The following RCC1 variants were observed in gnomAD, a reference collection of about 807,000 sequenced individuals.
RCC1 encodes the protein regulator of chromosome condensation.
RCC1 carries 11 observed loss-of-function variants against 44.4 expected under a neutral mutation model. The ratio of observed to expected loss-of-function variants is 0.25; its 90% CI spans 0.16 to 0.41. RCC1 has a LOEUF of 0.41. Ranked by LOEUF, RCC1 falls within the 10% of genes least tolerant of loss-of-function variation. The pLI, the probability that RCC1 is intolerant of heterozygous loss-of-function variation, is 1.00. For synonymous variants in RCC1, 213 were observed against 216.5 expected (o/e 0.98, Z 0.14); for missense variants, 386 against 547.1 (o/e 0.71, Z 2.94).
chr1:28,530,133 C>CA (rs1664031340), intron 5 of RCC1, among the ~76,000 whole-genome samples, 194 bp downstream of exon 5: 1 of 140,332 alleles, frequency 7.1e-6, no homozygotes, highest in Non-Finnish European at 1.5e-5. Flanking sequence ...AAACTCCTCT[C>CA]AAAGCACTCA....
At chr1:28,532,853 T>C (rs1664264034) in intron 7 of RCC1, 1 of 396,354 alleles carries the variant, frequency 2.5e-6, no homozygotes, top group Non-Finnish European at 5.1e-6. Context: ...TTCACTCTTG[T>C]TGCCCAGGCT....
intron 3 of RCC1, among the ~76,000 whole-genome samples, chr1:28,512,228 C>T (rs1478812498): frequency 1.5e-5 from 1 of 68,826 alleles, no homozygotes; most frequent in East Asian, 2.2e-4. Flanking sequence ...TGATCCACCA[C>T]GCCCGGCAGA....
chr1:28,531,775 C>T (rs1664190284), intron 5 of RCC1, 28 bp from the exon 6 acceptor site: 2 of 1,500,330 alleles, frequency 1.3e-6, no homozygotes, highest in East Asian at 4.6e-5. Flanking sequence ...ATCCTCTACA[C>T]TCAGGGTCTA....
intron 3 of RCC1, chr1:28,509,884 T>C (rs762553491): frequency 6.6e-6 from 1 of 152,174 alleles, no homozygotes; most frequent in Non-Finnish European, 1.5e-5. Context: ...CTTCCTGCAG[T>C]GTAGTGGAGG....
intron 1 of RCC1, chr1:28,507,558 T>C (rs540401265): frequency 3.9e-6 from 2 of 517,030 alleles, no homozygotes; most frequent in African/African-American, 1.9e-5. Flanking sequence ...AGACAAACCA[T>C]GCAGGAAACA....
chr1:28,531,762 G>A (rs372086135), intron 5 of RCC1, 41 bp from the exon 6 acceptor site: 245 of 1,460,326 alleles, frequency 1.7e-4, no homozygotes, highest in Non-Finnish European at 2.1e-4. Flanking sequence ...CCTCGCTGTC[G>A]TCATCCTCTA....
At chr1:28,515,426 A>G (rs1002526700) in intron 3 of RCC1, among the ~76,000 whole-genome samples, 1 of 151,714 alleles carries the variant, frequency 6.6e-6, no homozygotes, top group African/African-American at 2.4e-5. Context: ...TCTTGAGACA[A>G]ACAACTGGGG....
Position 28,536,787 on chromosome 1 carries a change from G to A in RCC1, c.978G>A (p.Leu326=), listed in dbSNP as rs372047551. 2 of 1,614,152 alleles carry A rather than the reference G, an allele frequency of 1.2e-6. No homozygotes were observed. Among genetic ancestry groups the A allele is most frequent in the Middle Eastern group, 1.6e-4 (1 of 6,062 alleles). ...TGGGCCGGGCTGAGTATGGGCGGCT[G>A]GGCCTTGGAGAGGGTGCTGAGGAGA... ...YSLGRAEYGR[L]GLGEGAEEKS... is the part of the protein sequence containing the mutation. Residue 326 remains leucine, a synonymous_variant, in exon 12 of 13, where the codon CTG becomes CTA. Coordinates refer to ENST00000683442, the MANE Select transcript of RCC1 (RefSeq NM_001381865.2). The surrounding 1 kb of genome is among the most constrained non-coding windows in gnomAD (Gnocchi z 4.9).
intron 12 of RCC1, among the ~76,000 whole-genome samples, chr1:28,537,205 C>T (rs1398951233): frequency 1.3e-5 from 2 of 152,104 alleles, no homozygotes. Context: ...ACCCAGGCTG[C>T]TCTCTCCCCT....
intron 5 of RCC1, chr1:28,530,597 G>A (rs757171186): frequency 6.2e-7 from 1 of 1,604,896 alleles, no homozygotes; most frequent in Non-Finnish European, 8.5e-7. Flanking sequence ...GAGCCCTCCT[G>A]ACCAGAAAAC....
intron 5 of RCC1, chr1:28,530,682 G>T: frequency 2.2e-6 from 3 of 1,370,020 alleles, no homozygotes; most frequent in East Asian, 2.5e-5. Context: ...CCACATCCTC[G>T]GGGGAGGGGC....
chr1:28,536,386 G>A lies in RCC1; in HGVS notation c.937+5G>A. On this transcript the variant is annotated splice_donor_5th_base_variant and intron_variant, in intron 11 of 12. Transcript: ENST00000683442. The surrounding 1 kb of genome is among the most constrained non-coding windows in gnomAD (Gnocchi z 4.9). ...CAGTCTGCATGGATTCGGAAGGTAGGGCCTTTACGTCCTTCTCTAGTTTGG... is the reference window on the plus strand; with the variant it reads ...CAGTCTGCATGGATTCGGAAGGTAGAGCCTTTACGTCCTTCTCTAGTTTGG... 3.1e-6 allele frequency: 5 copies of A among 1,612,730 alleles called. No individual in the cohort carries two copies. Among genetic ancestry groups the A allele is most frequent in the Non-Finnish European group, 4.2e-6 (5 of 1,179,646 alleles).
At chr1:28,530,511 T>G (rs765566966) in intron 5 of RCC1, 34 of 1,599,638 alleles carry the variant, frequency 2.1e-5, no homozygotes, top group Non-Finnish European at 2.7e-5. Context: ...AGACAGTGTC[T>G]GTCTTTTGCA....
intron 4 of RCC1, among the ~76,000 whole-genome samples, chr1:28,517,249 T>C (rs12239131): frequency 0.015 from 2,358 of 152,260 alleles, 61 homozygotes; most frequent in African/African-American, 0.052. Context: ...TGCAAGGGTT[T>C]CAGGGAACAC....
rs1323875274 is a variant in RCC1 at position 28,532,866 on chromosome 1, A to G, written c.441+516A>G. ...GTTTCACTCTTGTTGCCCAGGCTGG[A>G]GTGCAATAGCGCAATCTTGGCTCAC... On this transcript the variant is annotated intron_variant, in intron 7 of 12. Coordinates refer to ENST00000683442, the MANE Select transcript of RCC1 (RefSeq NM_001381865.2). The G allele has an allele frequency of 4.0e-5, 15 of 375,808 alleles. No individual in the cohort carries two copies. In the Admixed American group the frequency reaches 4.4e-4, roughly 11 times the overall value. 23.3% of individuals were successfully genotyped at this position (375,808 alleles called of 1,614,324 possible). A position where few individuals can be genotyped will look rare whatever the true frequency, so the allele number is the denominator to read the frequency against.
At chr1:28,508,974 G>A (rs768688648) in intron 3 of RCC1, 69 bp downstream of exon 3, 12 of 455,762 alleles carry the variant, frequency 2.6e-5, no homozygotes, top group Non-Finnish European at 4.8e-5. Flanking sequence ...AAAAGATTGA[G>A]GTGCATTTCA....
chr1:28,519,997 G>A (rs949660918), intron 4 of RCC1, among the ~76,000 whole-genome samples: 9 of 151,658 alleles, frequency 5.9e-5, no homozygotes, highest in African/African-American at 1.9e-4. Flanking sequence ...TCAGCCTCCC[G>A]AATAGTAATA....
At chr1:28,520,012 A>G (rs1378431259) in intron 4 of RCC1, among the ~76,000 whole-genome samples, 1 of 151,990 alleles carries the variant, frequency 6.6e-6, no homozygotes, top group African/African-American at 2.4e-5. Context: ...GTAATATCCT[A>G]TAATTTTCAT....
intron 3 of RCC1, among the ~76,000 whole-genome samples, chr1:28,515,562 C>T (rs1471795846): frequency 6.9e-6 from 1 of 144,122 alleles, no homozygotes; most frequent in African/African-American, 2.6e-5. Context: ...ATTAAAAATA[C>T]AAAAATGAGC....
Sources: gnomAD v4.1 joint callset for allele counts (sites outside exome capture counted in the v4.1 genomes callset) on GRCh38, gnomAD v4.1.1 for gene constraint, Gnocchi (gnomAD v3.1) non-coding constraint, MANE v1.5 for transcripts, NCBI Gene and HGNC (gene_info 2026-07-23, HGNC 2026-07-21) for gene names.